ZNF521: variants seen among roughly 807,000 people sequenced by gnomAD.
The protein encoded by ZNF521 is zinc finger protein 521, also known as LYST-interacting protein 3.
In ZNF521, 14 loss-of-function variants were observed where a neutral mutation model predicts 105.5. The observed-to-expected ratio is 0.13, with a 90% CI of 0.09 to 0.21. ZNF521 has a LOEUF of 0.21. ZNF521 is among the 10% of genes least tolerant of loss of function. ZNF521 has a pLI of 1.00. For synonymous variants in ZNF521, 635 were observed against 606.0 expected (o/e 1.05, Z -0.70); for missense variants, 1,233 against 1,629.7 (o/e 0.76, Z 4.19).
At chr18:25,085,130 C>T (rs541796466) in intron 7 of ZNF521, among the ~76,000 whole-genome samples, 1 of 152,016 alleles carries the variant, frequency 6.6e-6, no homozygotes, top group East Asian at 1.9e-4. Context: ...CGCTAGGTGG[C>T]CTTTGAAGTG....
In ZNF521 at chr18:25,333,426, A is replaced by G. The variant is rs576157311; in HGVS notation, c.41-11239T>C. ...AGGGCTCATCTTACTTTTAAAAGAGAATAATAAGGAAAATAATCTGGTCAA... is the reference window on the plus strand; with the variant it reads ...AGGGCTCATCTTACTTTTAAAAGAGGATAATAAGGAAAATAATCTGGTCAA... On this transcript the variant is annotated intron_variant, in intron 2 of 7. Coordinates refer to ENST00000361524, the MANE Select transcript of ZNF521 (RefSeq NM_015461.3). Among the ~76,000 whole-genome samples the G allele has an allele frequency of 9.9e-5, 15 of 152,084 alleles. No individual in the cohort carries two copies. The East Asian group carries it at 2.9e-3, about 29-fold the overall frequency.
At chr18:25,310,506 C>T (rs549409262) in intron 3 of ZNF521, among the ~76,000 whole-genome samples, 1 of 148,694 alleles carries the variant, frequency 6.7e-6, no homozygotes, top group South Asian at 2.2e-4. Flanking sequence ...ATATAGTGTC[C>T]ATAAGGCATA....
intron 2 of ZNF521, among the ~76,000 whole-genome samples, chr18:25,338,728 C>T (rs915421082): frequency 2.0e-5 from 3 of 152,116 alleles, no homozygotes; most frequent in Non-Finnish European, 2.9e-5. Context: ...TTTTTAATTA[C>T]AGAATATACT....
intron 5 of ZNF521, among the ~76,000 whole-genome samples, chr18:25,161,325 C>T (rs908912498): frequency 1.3e-5 from 2 of 151,996 alleles, no homozygotes; most frequent in African/African-American, 4.8e-5. Context: ...AGGCAATTAA[C>T]GTTATTTGGG....
intron 4 of ZNF521, among the ~76,000 whole-genome samples, chr18:25,213,723 C>A (rs959063383): frequency 2.0e-5 from 3 of 151,864 alleles, no homozygotes; most frequent in African/African-American, 7.3e-5. Flanking sequence ...ATGTTTAGGG[C>A]GACTCATTTT....
chr18:25,328,645 C>T (rs1459679386), intron 2 of ZNF521, among the ~76,000 whole-genome samples: 1 of 151,842 alleles, frequency 6.6e-6, no homozygotes, highest in South Asian at 2.1e-4. Flanking sequence ...CTCCGCCTCC[C>T]GGGTTCAAGC....
chr18:25,278,225 G>A (rs1050127209), intron 3 of ZNF521, among the ~76,000 whole-genome samples: 1 of 152,100 alleles, frequency 6.6e-6, no homozygotes, highest in Admixed American at 6.6e-5. Flanking sequence ...ATTTTGAATA[G>A]CACTTAAAAT....
intron 2 of ZNF521, among the ~76,000 whole-genome samples, chr18:25,350,125 G>A (rs1914663210): frequency 6.6e-6 from 1 of 152,086 alleles, no homozygotes; most frequent in African/African-American, 2.4e-5. Flanking sequence ...CCCCGCCCCC[G>A]CCGCAGCCAG....
chr18:25,186,191 T>C (rs1334230263), intron 5 of ZNF521, among the ~76,000 whole-genome samples: 5 of 152,192 alleles, frequency 3.3e-5, no homozygotes, highest in Admixed American at 6.6e-5. Flanking sequence ...TCACTGAGTA[T>C]GTCATTGGTT....
Position 25,224,412 on chromosome 18 carries a change from T to C in ZNF521, c.3506A>G (p.Asn1169Ser). Residue 1169 changes from asparagine to serine, a missense_variant, in exon 4 of 8, where the codon AAC (asparagine) becomes AGC (serine). Asn to Ser is a conservative substitution (Grantham distance 46, BLOSUM62 1). This residue lies in a region of ZNF521 where 614 missense variants were observed against 751.5 expected (regional missense o/e 0.82). Coordinates refer to ENST00000361524, the MANE Select transcript of ZNF521 (RefSeq NM_015461.3). ...TIHRELVPDS[N>S]STQLKTPQVS... ...TTGGGGCGTTTTCAACTGTGTGCTG[T>C]TGCTGTCTGGCACGAGCTCTCGGTG... 1 of 1,613,960 alleles carries C rather than the reference T, an allele frequency of 6.2e-7. No homozygotes were observed. The highest frequency in any genetic ancestry group is 8.5e-7 in the Non-Finnish European group (1 of 1,179,986).
intron 7 of ZNF521, among the ~76,000 whole-genome samples, chr18:25,074,665 T>TC (rs1257203199): frequency 1.3e-5 from 2 of 152,176 alleles, no homozygotes; most frequent in Non-Finnish European, 2.9e-5. Flanking sequence ...TGTCTTATAC[T>TC]CTTTAAGGTC....
intron 4 of ZNF521, chr18:25,202,602 C>A (rs755046364): frequency 3.9e-5 from 6 of 152,094 alleles, no homozygotes; most frequent in Non-Finnish European, 8.8e-5. Flanking sequence ...AAGCTGTTTT[C>A]AAGGACTATA....
intron 5 of ZNF521, among the ~76,000 whole-genome samples, chr18:25,101,566 T>G (rs988053017): frequency 6.6e-6 from 1 of 152,096 alleles, no homozygotes; most frequent in Admixed American, 6.6e-5. Flanking sequence ...GAAGGAAAAT[T>G]TATAGTCAGG....
At position 25,227,075 on chromosome 18, in the gene ZNF521, G is replaced by C. The variant is rs1906204044; in HGVS notation, c.843C>G (p.Leu281=). 9.3e-6 allele frequency: 15 copies of C among 1,614,038 alleles called. No homozygotes were observed. The highest frequency in any genetic ancestry group is 1.2e-5 in the Non-Finnish European group (14 of 1,180,040). The change falls in exon 4 of 8, where the codon CTC becomes CTG. Residue 281 remains leucine, a synonymous_variant. Coordinates refer to ENST00000361524, the MANE Select transcript of ZNF521 (RefSeq NM_015461.3). The surrounding 1 kb of genome is among the most constrained non-coding windows in gnomAD (Gnocchi z 5.7). ...ECSPNEDRAA[L]QCVYCHELFV... is the part of the protein sequence containing the mutation. ...AGAGCTCGTGGCAGTAGACACACTG[G>C]AGGGCCGCTCGGTCCTCATTTGGGG...
intron 3 of ZNF521, among the ~76,000 whole-genome samples, chr18:25,286,625 A>G (rs1488973826): frequency 2.0e-5 from 3 of 152,246 alleles, no homozygotes; most frequent in Admixed American, 6.5e-5. Context: ...CATAGACTAT[A>G]TATCTCTCAG....
chr18:25,144,315 C>T (rs988368784), intron 5 of ZNF521, among the ~76,000 whole-genome samples: 1 of 152,096 alleles, frequency 6.6e-6, no homozygotes, highest in Admixed American at 6.6e-5. Flanking sequence ...TTTTAGCCAC[C>T]CCATGCAGAT....
intron 5 of ZNF521, among the ~76,000 whole-genome samples, chr18:25,189,481 C>T (rs2035782075): frequency 6.6e-6 from 1 of 152,138 alleles, no homozygotes; most frequent in South Asian, 2.1e-4. Context: ...TATCTGATGT[C>T]CCCATACAGA....
chr18:25,097,976 C>T (rs2033887505), intron 5 of ZNF521, among the ~76,000 whole-genome samples: 1 of 151,952 alleles, frequency 6.6e-6, no homozygotes, highest in Non-Finnish European at 1.5e-5. Context: ...TTTAAAGAGC[C>T]CGGGGGCTGC....
At chr18:25,335,078 A>G (rs1369058426) in intron 2 of ZNF521, among the ~76,000 whole-genome samples, 2 of 152,156 alleles carry the variant, frequency 1.3e-5, no homozygotes, top group Non-Finnish European at 2.9e-5. Flanking sequence ...GATTGTGCAC[A>G]CAGGACCAAA....
Sources: allele counts gnomAD v4.1 joint callset (sites outside exome capture counted in the v4.1 genomes callset), GRCh38; gene constraint gnomAD v4.1.1; regional missense constraint gnomAD v4.1.1; non-coding constraint Gnocchi (gnomAD v3.1); transcripts MANE v1.5; gene names NCBI Gene and HGNC (gene_info 2026-07-23, HGNC 2026-07-21).